Variants in NCAPH observed in about 807,000 individuals in gnomAD.
NCAPH encodes condensin complex subunit 2.
NCAPH carries 38 observed loss-of-function variants against 85.5 expected under a neutral mutation model. The ratio of observed to expected loss-of-function variants is 0.44; its 90% CI spans 0.34 to 0.58. NCAPH has a LOEUF of 0.58. Ranked by LOEUF, NCAPH falls within the 20% of genes least tolerant of loss-of-function variation. The pLI, the probability that NCAPH is intolerant of heterozygous loss-of-function variation, is 0.01. For synonymous variants in NCAPH, 301 were observed against 335.1 expected, an observed-to-expected ratio of 0.90 and a Z score of 1.11; for missense variants, 789 against 916.6, an observed-to-expected ratio of 0.86 and a Z score of 1.80.
intron 12 of NCAPH, among the ~76,000 whole-genome samples, chr2:96,361,040 CTTTTTTTTTTTTTTTT>C (rs760283642): frequency 2.3e-5 from 2 of 86,750 alleles, no homozygotes; most frequent in African/African-American, 4.3e-5. Flanking sequence ...TTGCTTTCTC[CTTTTTTTTTTTTTTTT>C]TTTTTTTTTT....
In NCAPH at chr2:96,375,230, G is replaced by A. The variant is rs752801931; in HGVS notation, c.*1879G>A. On this transcript the variant is annotated 3_prime_UTR_variant, in exon 18 of 18. Coordinates refer to ENST00000240423, the MANE Select transcript of NCAPH (RefSeq NM_015341.5). ...CTCTTAAACAAAAAAAAAAACTGGC[G>A]AGTTCAATACCAACTTCTACAATGA... Among the ~76,000 whole-genome samples the A allele has an allele frequency of 6.6e-6, 1 of 151,650 alleles. No homozygotes were observed. Among genetic ancestry groups the A allele is most frequent in the Non-Finnish European group, 1.5e-5 (1 of 67,916 alleles).
intron 9 of NCAPH, among the ~76,000 whole-genome samples, chr2:96,354,995 G>A (rs2064504670): frequency 6.6e-6 from 1 of 152,190 alleles, no homozygotes; most frequent in Non-Finnish European, 1.5e-5. Context: ...AGGTAAGCAA[G>A]TGGGGGTTAG....
chr2:96,336,729 G>A (rs185817405), intron 1 of NCAPH, among the ~76,000 whole-genome samples: 1 of 152,294 alleles, frequency 6.6e-6, no homozygotes, highest in Non-Finnish European at 1.5e-5. Context: ...TCAGGGAAGT[G>A]ACCCATGGAT....
At chr2:96,370,646 TGAA>T (rs1173433470) in intron 17 of NCAPH, among the ~76,000 whole-genome samples, 1 of 152,118 alleles carries the variant, frequency 6.6e-6, no homozygotes, top group Admixed American at 6.5e-5. Flanking sequence ...GACAACCTCA[TGAA>T]GAAGAAGAAA....
intron 12 of NCAPH, among the ~76,000 whole-genome samples, chr2:96,362,320 A>G (rs1007449281): frequency 4.6e-5 from 7 of 151,992 alleles, no homozygotes; most frequent in Non-Finnish European, 1.0e-4. Flanking sequence ...CTTATGGATG[A>G]TTTTGAGGGG....
chr2:96,367,176 C>A, intron 14 of NCAPH, 81 bp from the exon 15 acceptor site: 1 of 973,856 alleles, frequency 1.0e-6, no homozygotes, highest in Admixed American at 2.0e-5. Context: ...TAGTTGAACT[C>A]CAGACCTTTG....
chr2:96,356,715 A>G (rs79290964), intron 9 of NCAPH, among the ~76,000 whole-genome samples: 250 of 152,260 alleles, frequency 1.6e-3, no homozygotes, highest in African/African-American at 5.4e-3. Context: ...GGGGCCAGAC[A>G]TCACGTTACC....
At chr2:96,354,078 A>T in intron 8 of NCAPH, 105 bp from the exon 9 acceptor site, 1 of 1,114,602 alleles carries the variant, frequency 9.0e-7, no homozygotes, top group Non-Finnish European at 1.3e-6. Context: ...CAGGGGAAGG[A>T]GGAGGCTGGA....
rs116296312 is a variant in NCAPH, at chr2:96,350,723, T to C, written c.721-1108T>C. ...GGCAGGAGCTGAACCTCAGTTCTGA[T>C]GAGCTTGGACTCCGAGCTAAGGGGA... On this transcript the variant is annotated intron_variant, in intron 6 of 17. Transcript: ENST00000240423. Among the ~76,000 whole-genome samples, 1,478 of 152,246 alleles carry C rather than the reference T, an allele frequency of 9.7e-3. 27 individuals carry two copies. The highest frequency in any genetic ancestry group is 0.033 in the African/African-American group (1,377 of 41,538).
intron 9 of NCAPH, 70 bp from the exon 10 acceptor site, chr2:96,358,975 A>G (rs2064565925): frequency 1.4e-6 from 2 of 1,480,728 alleles, no homozygotes; most frequent in African/African-American, 2.8e-5. Context: ...TCATTTGCGG[A>G]CATATGCTTC....
chr2:96,369,452 C>T lies in NCAPH; in HGVS notation c.2118C>T (p.Leu706=). The T allele has an allele frequency of 1.2e-6, 2 of 1,614,144 alleles. No homozygotes were observed. Among genetic ancestry groups the T allele is most frequent in the East Asian group, 2.2e-5 (1 of 44,876 alleles). Residue 706 remains leucine, a synonymous_variant, in exon 17 of 18, where the codon CTC becomes CTT. Transcript: ENST00000240423. ...TGCCCCCTGTCATGGCTCAGAACCT[C>T]TCCATACCTCTGGCTTTTGCCTGTC... ...RSLPPVMAQN[L]SIPLAFACLL...
Position 96,341,469 on chromosome 2 carries a change from C to G in NCAPH, c.20-173C>G, listed in dbSNP as rs550678259. The G allele has an allele frequency of 5.5e-5, 43 of 776,582 alleles. No individual in the cohort carries two copies. In the African/African-American group the frequency reaches 5.9e-4, roughly 11 times the overall value. The allele number at this position is 776,582 out of a possible 1,614,324, so 48.1% of individuals were successfully genotyped here. A position where few individuals can be genotyped will look rare whatever the true frequency, so the allele number is the denominator to read the frequency against. On this transcript the variant is annotated intron_variant, in intron 1 of 17. Coordinates refer to ENST00000240423, the MANE Select transcript of NCAPH (RefSeq NM_015341.5). ...AGCATCAGAAACCTATGGCCTCCCC[C>G]CTGCACCTCCAAGAAACCCAAACTC... is the stretch of plus-strand genomic sequence containing the variant.
At chr2:96,358,916 G>A (rs2064565440) in intron 9 of NCAPH, 129 bp from the exon 10 acceptor site, 5 of 852,284 alleles carry the variant, frequency 5.9e-6, no homozygotes, top group Non-Finnish European at 8.7e-6. Context: ...AGAAGTAAAA[G>A]GAATTATTAA....
intron 13 of NCAPH, 85 bp downstream of exon 13, chr2:96,364,676 G>A: frequency 2.0e-6 from 2 of 984,464 alleles, no homozygotes; most frequent in Middle Eastern, 2.2e-4. Flanking sequence ...TTTATATGGT[G>A]GGAGACTGTT....
At chr2:96,348,841 G>T (rs2064397822) in intron 6 of NCAPH, among the ~76,000 whole-genome samples, 1 of 151,680 alleles carries the variant, frequency 6.6e-6, no homozygotes, top group East Asian at 1.9e-4. Context: ...GTAGAGATGG[G>T]GTTTCACCAT....
At chr2:96,336,000 G>A in intron 1 of NCAPH, 152 bp downstream of exon 1, 2 of 773,784 alleles carry the variant, frequency 2.6e-6, no homozygotes, top group Non-Finnish European at 3.7e-6. Flanking sequence ...CCGGTGCGGG[G>A]GGAGGGGAGG....
At position 96,375,335 on chromosome 2, in the gene NCAPH, T is replaced by G. The variant is rs1439792713; in HGVS notation, c.*1984T>G. 6.6e-6 allele frequency among the ~76,000 whole-genome samples: 1 copy of G among 152,238 alleles called. No individual in the cohort carries two copies. The highest frequency in any genetic ancestry group is 1.5e-5 in the Non-Finnish European group (1 of 68,042). On this transcript the variant is annotated 3_prime_UTR_variant, in exon 18 of 18. Transcript: ENST00000240423. ...GCTGTGGGCTATGTGTGCTGTGGTC[T>G]GAATGTTTGTGTCTAAAATTCACAT...
rs565363749 is a variant in NCAPH, at chr2:96,368,635, G to A, written c.1999-337G>A. Among the ~76,000 whole-genome samples the A allele has an allele frequency of 8.5e-5, 13 of 152,114 alleles. No individual in the cohort carries two copies. The East Asian group carries it at 2.3e-3, about 27-fold the overall frequency. On this transcript the variant is annotated intron_variant, in intron 15 of 17. Transcript: ENST00000240423. ...TTGTGCCACTGCACTCCAGCCTGGC[G>A]ACAGAGCGAGACTCCGTCTCAAAAA...
intron 17 of NCAPH, among the ~76,000 whole-genome samples, chr2:96,371,421 T>TCA (rs1263617857): frequency 6.6e-6 from 1 of 152,158 alleles, no homozygotes; most frequent in East Asian, 1.9e-4. Context: ...AAACCTGACT[T>TCA]GAGAGAGCGG....
Sources: allele counts gnomAD v4.1 joint callset (sites outside exome capture counted in the v4.1 genomes callset), GRCh38; gene constraint gnomAD v4.1.1; transcripts MANE v1.5; gene names NCBI Gene and HGNC (gene_info 2026-07-23, HGNC 2026-07-21).